Variants in PDZRN3 observed in about 807,000 individuals in gnomAD.
PDZRN3 encodes the protein PDZ domain containing ring finger 3, also known as E3 ubiquitin-protein ligase PDZRN3.
In PDZRN3, 38 loss-of-function variants were observed where a neutral mutation model predicts 85.7. The ratio of observed to expected loss-of-function variants is 0.44; its 90% CI spans 0.34 to 0.58. PDZRN3 has a LOEUF of 0.58. Ranked by LOEUF, PDZRN3 falls within the 20% of genes least tolerant of loss-of-function variation. The pLI is 0.01. For synonymous variants in PDZRN3, 759 were observed against 638.0 expected, an observed-to-expected ratio of 1.19 and a Z score of -2.86; for missense variants, 1,629 against 1,506.4, an observed-to-expected ratio of 1.08 and a Z score of -1.35.
intron 1 of PDZRN3, among the ~76,000 whole-genome samples, chr3:73,611,519 A>C (rs944197667): frequency 6.6e-6 from 1 of 152,214 alleles, no homozygotes; most frequent in African/African-American, 2.4e-5. Context: ...TCTACTGTCC[A>C]CAAGTGTCAG....
At chr3:73,569,796 A>G (rs1702018692) in intron 3 of PDZRN3, among the ~76,000 whole-genome samples, 1 of 152,220 alleles carries the variant, frequency 6.6e-6, no homozygotes, top group Admixed American at 6.5e-5. Context: ...AGGGGTTGAG[A>G]ACAGGGGCTC....
intron 3 of PDZRN3, among the ~76,000 whole-genome samples, chr3:73,466,162 A>G (rs1703208353): frequency 6.6e-6 from 1 of 152,138 alleles, no homozygotes; most frequent in Admixed American, 6.5e-5. Context: ...TGGCAGTTCC[A>G]TTTTCCCCTA....
chr3:73,433,722 C>G (rs775119288), intron 3 of PDZRN3: 2 of 1,536,056 alleles, frequency 1.3e-6, no homozygotes. Flanking sequence ...AGAAAAACGT[C>G]AAAGGAAGGC....
chr3:73,600,176 G>A (rs1357216542), intron 3 of PDZRN3, among the ~76,000 whole-genome samples: 1 of 152,044 alleles, frequency 6.6e-6, no homozygotes, highest in Non-Finnish European at 1.5e-5. Flanking sequence ...TAGTATCTCT[G>A]GATTTAATAA....
intron 3 of PDZRN3, among the ~76,000 whole-genome samples, chr3:73,564,951 C>T (rs1701910497): frequency 6.6e-6 from 1 of 152,102 alleles, no homozygotes; most frequent in South Asian, 2.1e-4. Flanking sequence ...CATGATCATT[C>T]TCATCATCAT....
chr3:73,391,067 A>G lies in PDZRN3; in HGVS notation c.1304T>C (p.Val435Ala), dbSNP rs1357674070. 6.2e-7 allele frequency: 1 copy of G among 1,613,920 alleles called. No homozygotes were observed. The highest frequency in any genetic ancestry group is 8.5e-7 in the Non-Finnish European group (1 of 1,179,890). The change falls in exon 6 of 10, where the codon GTG (valine) becomes GCG (alanine). Residue 435 changes from valine to alanine, a missense_variant. By Grantham distance (64) the Val-to-Ala change is moderately conservative. Coordinates refer to ENST00000263666, the MANE Select transcript of PDZRN3 (RefSeq NM_015009.3). ...MNSQDKLGLT[V>A]CYRTDDEDDI... is the part of the protein sequence containing the mutation. ...GTCTTCATCGTCCGTCCGGTAGCAC[A>G]CAGTGAGGCCCAGCTTGTCCTGGCT...
chr3:73,470,906 C>T (rs1444281796), intron 3 of PDZRN3, among the ~76,000 whole-genome samples: 4 of 152,144 alleles, frequency 2.6e-5, no homozygotes, highest in African/African-American at 7.2e-5. Flanking sequence ...GAAACACATT[C>T]CAAATTGACT....
chr3:73,384,056 C>T lies in PDZRN3; in HGVS notation c.2510G>A (p.Ser837Asn), dbSNP rs376925098. ...CCCGTCGCTGGCTCTCCGCTCTTTG[C>T]TTTCCAGGGGCTGGTTGGGGTCCAG... ...KELDPNQPLE[S>N]KERRASDGSR... Residue 837 changes from serine (S) to asparagine (N), a missense_variant, in exon 10 of 10, where the codon AGC (serine) becomes AAC (asparagine). Coordinates refer to ENST00000263666, the MANE Select transcript of PDZRN3 (RefSeq NM_015009.3). 6.2e-7 allele frequency: 1 copy of T among 1,606,946 alleles called. No individual in the cohort carries two copies. The highest frequency in any genetic ancestry group is 8.5e-7 in the Non-Finnish European group (1 of 1,176,946).
At chr3:73,587,437 C>T (rs1445153995) in intron 3 of PDZRN3, among the ~76,000 whole-genome samples, 2 of 152,134 alleles carry the variant, frequency 1.3e-5, no homozygotes, top group Admixed American at 6.5e-5. Flanking sequence ...GTCATACTTA[C>T]ATCTATGCTT....
chr3:73,452,923 G>A (rs1702896032), intron 3 of PDZRN3, among the ~76,000 whole-genome samples: 1 of 149,026 alleles, frequency 6.7e-6, no homozygotes. Context: ...ATAATTTATT[G>A]GGCAGCTGTC....
intron 3 of PDZRN3, among the ~76,000 whole-genome samples, chr3:73,484,924 A>C (rs1056362830): frequency 6.6e-6 from 1 of 152,198 alleles, no homozygotes; most frequent in African/African-American, 2.4e-5. Flanking sequence ...AACCAGGGCG[A>C]GCCAACCTTC....
At chr3:73,511,544 G>C (rs1170424214) in intron 3 of PDZRN3, among the ~76,000 whole-genome samples, 1 of 152,184 alleles carries the variant, frequency 6.6e-6, no homozygotes, top group Non-Finnish European at 1.5e-5. Flanking sequence ...TCCTAGAGAA[G>C]ATGATTTGCT....
chr3:73,556,485 A>T (rs1030278515), intron 3 of PDZRN3, among the ~76,000 whole-genome samples: 11 of 152,136 alleles, frequency 7.2e-5, no homozygotes, highest in Middle Eastern at 3.2e-3. Flanking sequence ...AGAGAAGTAA[A>T]ATGACCTTTA....
At chr3:73,613,976 C>T (rs1702722980) in intron 1 of PDZRN3, among the ~76,000 whole-genome samples, 1 of 152,094 alleles carries the variant, frequency 6.6e-6, no homozygotes. Flanking sequence ...GGTATCCAGA[C>T]CTTAACACTG....
intron 3 of PDZRN3, among the ~76,000 whole-genome samples, chr3:73,424,857 A>G (rs1441175570): frequency 1.3e-5 from 2 of 152,196 alleles, no homozygotes; most frequent in African/African-American, 4.8e-5. Flanking sequence ...CTATATTGGA[A>G]AACTAAGAAG....
intron 3 of PDZRN3, among the ~76,000 whole-genome samples, chr3:73,576,114 T>TCACACA (rs112084529): frequency 1.3e-5 from 2 of 151,752 alleles, no homozygotes; most frequent in East Asian, 3.9e-4. Context: ...ATACTCTCTC[T>TCACACA]CACACACACA....
At chr3:73,620,666 T>C (rs943743681) in intron 1 of PDZRN3, among the ~76,000 whole-genome samples, 1 of 151,318 alleles carries the variant, frequency 6.6e-6, no homozygotes, top group Non-Finnish European at 1.5e-5. Context: ...AAGCTCCGCT[T>C]CCCAGGTTCA....
At chr3:73,419,221 A>G (rs894338952) in intron 3 of PDZRN3, among the ~76,000 whole-genome samples, 3 of 151,912 alleles carry the variant, frequency 2.0e-5, no homozygotes, top group African/African-American at 7.3e-5. Flanking sequence ...GGGGTTTTTC[A>G]GAGAGAGAGA....
At chr3:73,526,426 C>G (rs946376029) in intron 3 of PDZRN3, among the ~76,000 whole-genome samples, 1 of 152,204 alleles carries the variant, frequency 6.6e-6, no homozygotes, top group Non-Finnish European at 1.5e-5. Flanking sequence ...GTTTTCTAAG[C>G]CCCAGCCTTG....
Sources: allele counts gnomAD v4.1 joint callset (sites outside exome capture counted in the v4.1 genomes callset), GRCh38; gene constraint gnomAD v4.1.1; transcripts MANE v1.5; gene names NCBI Gene and HGNC (gene_info 2026-07-23, HGNC 2026-07-21).